The following ADARB1 variants were observed in gnomAD, a reference collection of about 807,000 sequenced individuals.
The protein encoded by ADARB1 is adenosine deaminase RNA specific B1.
Under a neutral mutation model 52.4 loss-of-function variants are expected in ADARB1, and 10 were observed. The ratio of observed to expected loss-of-function variants is 0.19; its 90% CI spans 0.12 to 0.32. The LOEUF is 0.32. Among genes scored for constraint, ADARB1 ranks in the 10% least tolerant of loss-of-function variants. ADARB1 has a pLI of 1.00. For missense variants in ADARB1, 643 were observed against 922.3 expected, an observed-to-expected ratio of 0.70 and a Z score of 3.92; for synonymous variants, 349 against 371.1, an observed-to-expected ratio of 0.94 and a Z score of 0.68.
At chr21:45,167,407 A>G (rs1197074997) in intron 2 of ADARB1, among the ~76,000 whole-genome samples, 6 of 152,224 alleles carry the variant, frequency 3.9e-5, no homozygotes, top group Non-Finnish European at 5.9e-5. Flanking sequence ...TTAATTATGT[A>G]TAAGAATTAA....
At position 45,225,646 on chromosome 21, in the gene ADARB1, C is replaced by G; in HGVS notation, c.*3449C>G. On this transcript the variant is annotated 3_prime_UTR_variant, in exon 11 of 11. Coordinates refer to ENST00000348831, the MANE Select transcript of ADARB1 (RefSeq NM_001112.4). ...ACTGCACATCCGGACCTGCCCATGT[C>G]TCAAAACAAACACATGTACAGTGGC... 2.6e-6 allele frequency: 3 copies of G among 1,151,024 alleles called. No homozygotes were observed. The highest frequency in any genetic ancestry group is 3.4e-6 in the Non-Finnish European group (3 of 874,970). 71.3% of individuals were successfully genotyped at this position (1,151,024 alleles called of 1,614,324 possible). A position where few individuals can be genotyped will look rare whatever the true frequency, so the allele number is the denominator to read the frequency against.
At chr21:45,098,937 G>C (rs576266670) in intron 1 of ADARB1, among the ~76,000 whole-genome samples, 6 of 152,186 alleles carry the variant, frequency 3.9e-5, no homozygotes, top group Non-Finnish European at 8.8e-5. Flanking sequence ...GTTATTCTTA[G>C]TATTCTAGGT....
intron 1 of ADARB1, among the ~76,000 whole-genome samples, chr21:45,098,385 C>T (rs2086857077): frequency 6.6e-6 from 1 of 152,220 alleles, no homozygotes. Flanking sequence ...AAGTTTCTTG[C>T]CTGGGCTTTG....
chr21:45,188,983 C>T (rs2146248904), intron 8 of ADARB1, among the ~76,000 whole-genome samples: 1 of 152,304 alleles, frequency 6.6e-6, no homozygotes, highest in Non-Finnish European at 1.5e-5. Flanking sequence ...CAAAAGAGAG[C>T]TAGCTTGTGC....
At chr21:45,183,293 G>A in intron 6 of ADARB1, 69 bp from the exon 7 acceptor site, 1 of 1,441,792 alleles carries the variant, frequency 6.9e-7, no homozygotes, top group African/African-American at 1.5e-5. Flanking sequence ...ACTAGCCTCT[G>A]AAAATGATAG....
At chr21:45,140,168 C>T (rs1044165031) in intron 2 of ADARB1, among the ~76,000 whole-genome samples, 2 of 152,054 alleles carry the variant, frequency 1.3e-5, no homozygotes, top group South Asian at 2.1e-4. Context: ...GTCTCAAACT[C>T]CTGACCTCGG....
At chr21:45,219,881 G>A (rs1265480196) in intron 9 of ADARB1, among the ~76,000 whole-genome samples, 3 of 151,996 alleles carry the variant, frequency 2.0e-5, no homozygotes, top group African/African-American at 4.8e-5. Context: ...GGCCCTCCAT[G>A]TGAACCCAAC....
rs1489735813 is a variant in ADARB1 at position 45,223,645 on chromosome 21, C to T, written c.*1448C>T. ...ACCCCACAGCATACACCTGCCACAG[C>T]GAAATCCAGGGTGTTGGCACCTGTG... is the stretch of plus-strand genomic sequence containing the variant. On this transcript the variant is annotated 3_prime_UTR_variant, in exon 11 of 11. Coordinates refer to ENST00000348831, the MANE Select transcript of ADARB1 (RefSeq NM_001112.4). 5 of 985,460 alleles carry T rather than the reference C, an allele frequency of 5.1e-6. No homozygotes were observed. The highest frequency in any genetic ancestry group is 4.7e-5 in the South Asian group (1 of 21,290). The allele number at this position is 985,460 out of a possible 1,614,324, so 61.0% of individuals were successfully genotyped here.
chr21:45,209,061 A>G (rs2092719519), intron 9 of ADARB1, among the ~76,000 whole-genome samples: 1 of 152,184 alleles, frequency 6.6e-6, no homozygotes, highest in South Asian at 2.1e-4. Context: ...ATTTTTTAAA[A>G]CAAATATGTT....
At chr21:45,217,935 T>G (rs2092898569) in intron 9 of ADARB1, among the ~76,000 whole-genome samples, 1 of 152,210 alleles carries the variant, frequency 6.6e-6, no homozygotes, top group African/African-American at 2.4e-5. Flanking sequence ...TGTGTTGTTA[T>G]CTTTATTCCT....
At chr21:45,188,229 C>G (rs1460909975) in intron 8 of ADARB1, among the ~76,000 whole-genome samples, 3 of 152,078 alleles carry the variant, frequency 2.0e-5, no homozygotes, top group African/African-American at 7.2e-5. Flanking sequence ...GCTTCAGCCT[C>G]CCGAGTAGCT....
intron 2 of ADARB1, among the ~76,000 whole-genome samples, chr21:45,162,215 G>A (rs1475173350): frequency 6.6e-6 from 1 of 152,202 alleles, no homozygotes; most frequent in African/African-American, 2.4e-5. Context: ...GGTTCCTGGT[G>A]TTTCCAAGCT....
chr21:45,203,536 G>A (rs2092605845), intron 8 of ADARB1, among the ~76,000 whole-genome samples: 1 of 152,202 alleles, frequency 6.6e-6, no homozygotes, highest in African/African-American at 2.4e-5. Flanking sequence ...CCCAGGCTGA[G>A]CAGAGCATCT....
chr21:45,113,820 G>A (rs555574089), intron 1 of ADARB1, among the ~76,000 whole-genome samples: 2 of 152,296 alleles, frequency 1.3e-5, no homozygotes, highest in Non-Finnish European at 2.9e-5. Flanking sequence ...GCGGAGATCA[G>A]TTTTAGCTCA....
In ADARB1 at chr21:45,088,910, C is replaced by T. The variant is rs182951258; in HGVS notation, c.-220+14117C>T. On this transcript the variant is annotated intron_variant, in intron 1 of 10. Transcript: ENST00000348831. The stretch of plus-strand genomic sequence containing the variant: ...AGTCTAGTCATGGAGAAATGTCAGA[C>T]GCTCCAGTAGAGGGACGTCCTGCAA... Among the ~76,000 whole-genome samples, 279 of 152,268 alleles carry T rather than the reference C, an allele frequency of 1.8e-3. 1 individual carries two copies. Among genetic ancestry groups the T allele is most frequent in the Non-Finnish European group, 3.2e-3 (216 of 68,026 alleles).
At chr21:45,206,330 T>C (rs1227774233) in intron 9 of ADARB1, among the ~76,000 whole-genome samples, 2 of 152,238 alleles carry the variant, frequency 1.3e-5, no homozygotes, top group Non-Finnish European at 2.9e-5. Context: ...CTAAGCAATA[T>C]CTCATCCGTA....
chr21:45,155,576 C>T (rs1384319081), intron 2 of ADARB1, among the ~76,000 whole-genome samples: 1 of 152,006 alleles, frequency 6.6e-6, no homozygotes, highest in Non-Finnish European at 1.5e-5. Flanking sequence ...CCCATCTACC[C>T]ACCCATCCAT....
At chr21:45,184,542 G>C in intron 7 of ADARB1, 1 of 362,386 alleles carries the variant, frequency 2.8e-6, no homozygotes, top group South Asian at 2.1e-5. Flanking sequence ...TCGACCTCCT[G>C]GGCTCTTAAG....
chr21:45,144,011 C>T (rs1217507541), intron 2 of ADARB1, among the ~76,000 whole-genome samples: 3 of 152,168 alleles, frequency 2.0e-5, no homozygotes. Flanking sequence ...TCTTTGTTCA[C>T]TGATGTATCT....
Sources: gnomAD v4.1 joint callset for allele counts (sites outside exome capture counted in the v4.1 genomes callset) on GRCh38, gnomAD v4.1.1 for gene constraint, MANE v1.5 for transcripts, NCBI Gene and HGNC (gene_info 2026-07-23, HGNC 2026-07-21) for gene names.